CFDP1: variants seen among roughly 807,000 people sequenced by gnomAD.
The protein encoded by CFDP1 is chromatin remodeling protein CFDP1, also known as heterochromatin-stabilizing protein CFDP1.
A neutral mutation model predicts 40.1 loss-of-function variants in CFDP1; 31 were observed. That is an observed-to-expected ratio of 0.77 (90% CI 0.58 to 1.04). The LOEUF (loss-of-function observed/expected upper bound fraction) is 1.04. CFDP1 is among the 50% of genes least tolerant of loss of function. The pLI is 0.00. For synonymous variants in CFDP1, 167 were observed against 120.0 expected (o/e 1.39, Z -2.56); for missense variants, 423 against 343.4 (o/e 1.23, Z -1.83).
At chr16:75,404,259 G>A (rs1262415993) in intron 4 of CFDP1, among the ~76,000 whole-genome samples, 10 of 147,410 alleles carry the variant, frequency 6.8e-5, no homozygotes, top group South Asian at 2.2e-4. Context: ...TTTTTGAGAC[G>A]GAGTCTTGCT....
At chr16:75,356,400 G>T (rs1470852984) in intron 5 of CFDP1, among the ~76,000 whole-genome samples, 4 of 152,176 alleles carry the variant, frequency 2.6e-5, no homozygotes, top group Admixed American at 1.3e-4. Flanking sequence ...TCAATGAGCA[G>T]TAACATTTTG....
At position 75,353,743 on chromosome 16, in the gene CFDP1, C is replaced by T. The variant is rs28585380; in HGVS notation, c.650+41347G>A. Among the ~76,000 whole-genome samples, 780 of 83,864 alleles carry T rather than the reference C, an allele frequency of 9.3e-3. 9 individuals carry two copies. The highest frequency in any genetic ancestry group is 0.032 in the African/African-American group (726 of 22,554). The allele number at this position is 83,864 out of a possible 152,430, so 55.0% of individuals were successfully genotyped here. A position where few individuals can be genotyped will look rare whatever the true frequency, so the allele number is the denominator to read the frequency against. On this transcript the variant is annotated intron_variant, in intron 5 of 6. Coordinates refer to ENST00000283882, the MANE Select transcript of CFDP1 (RefSeq NM_006324.3). The stretch of plus-strand genomic sequence containing the variant: ...CAGCCTGGGCGACACAGCAAAAGTC[C>T]GTCTCAAAAAAAAAAAAAAAAAAAA...
chr16:75,374,896 C>T (rs900113825), intron 5 of CFDP1, among the ~76,000 whole-genome samples: 1 of 152,090 alleles, frequency 6.6e-6, no homozygotes, highest in Non-Finnish European at 1.5e-5. Flanking sequence ...AGACTGGTGG[C>T]ATTTCAAGTG....
chr16:75,398,114 A>G (rs2079013065), intron 4 of CFDP1, among the ~76,000 whole-genome samples: 1 of 152,228 alleles, frequency 6.6e-6, no homozygotes, highest in Non-Finnish European at 1.5e-5. Flanking sequence ...ACTCAATCTC[A>G]GATACTCAGA....
intron 5 of CFDP1, among the ~76,000 whole-genome samples, chr16:75,355,381 C>T (rs2078638974): frequency 6.6e-6 from 1 of 152,232 alleles, no homozygotes; most frequent in Non-Finnish European, 1.5e-5. Context: ...TCCTCTCAAA[C>T]CCTGCTATTG....
chr16:75,301,286 A>G (rs2078219822), intron 6 of CFDP1, among the ~76,000 whole-genome samples: 2 of 152,162 alleles, frequency 1.3e-5, no homozygotes, highest in African/African-American at 4.8e-5. Flanking sequence ...TGAATTGTTT[A>G]TTGTAAAACA....
intron 5 of CFDP1, among the ~76,000 whole-genome samples, chr16:75,318,711 T>G (rs2078342895): frequency 6.6e-6 from 1 of 152,176 alleles, no homozygotes; most frequent in Non-Finnish European, 1.5e-5. Context: ...GCCGGCATGC[T>G]TTCTTAAATA....
chr16:75,343,791 T>A (rs2078543031), intron 5 of CFDP1, among the ~76,000 whole-genome samples: 1 of 152,166 alleles, frequency 6.6e-6, no homozygotes, highest in Non-Finnish European at 1.5e-5. Context: ...CAGGGTCATC[T>A]CGCGCATGAA....
intron 5 of CFDP1, among the ~76,000 whole-genome samples, chr16:75,380,611 G>C (rs528064326): frequency 1.3e-5 from 2 of 152,200 alleles, no homozygotes; most frequent in South Asian, 4.2e-4. Context: ...GTGTATCTAA[G>C]CTTTTGGGCT....
intron 5 of CFDP1, among the ~76,000 whole-genome samples, chr16:75,310,848 C>T (rs2078289548): frequency 6.6e-6 from 1 of 152,202 alleles, no homozygotes; most frequent in South Asian, 2.1e-4. Flanking sequence ...TCTTTAAAAT[C>T]ATCCCCAGGT....
At chr16:75,351,667 G>A (rs768777312) in intron 5 of CFDP1, among the ~76,000 whole-genome samples, 1 of 152,040 alleles carries the variant, frequency 6.6e-6, no homozygotes, top group Non-Finnish European at 1.5e-5. Context: ...AAAATGAAAG[G>A]GAAAATACTT....
chr16:75,411,857 G>A lies in CFDP1; in HGVS notation c.498C>T (p.Thr166=). ...CTTCACCAGCAAAATCAAACACCTT[G>A]GTGATTTTAACTTTTTCTGTTTCTT... ...KPKETEKVKI[T]KVFDFAGEEV... Residue 166 remains threonine (T), a synonymous_variant, in exon 4 of 7, where the codon ACC becomes ACT. Transcript: ENST00000283882. 6.2e-7 allele frequency: 1 copy of A among 1,610,654 alleles called. No homozygotes were observed. The highest frequency in any genetic ancestry group is 8.5e-7 in the Non-Finnish European group (1 of 1,179,214).
At chr16:75,414,321 T>C (rs967591896) in intron 2 of CFDP1, among the ~76,000 whole-genome samples, 1 of 152,212 alleles carries the variant, frequency 6.6e-6, no homozygotes, top group Non-Finnish European at 1.5e-5. Flanking sequence ...AGGGTAAACA[T>C]CTTTTCAGGG....
Position 75,433,399 on chromosome 16 carries a change from G to C in CFDP1, c.-47C>G, listed in dbSNP as rs752233822. The C allele has an allele frequency of 1.3e-6, 2 of 1,537,326 alleles. No homozygotes were observed. The highest frequency in any genetic ancestry group is 1.8e-6 in the Non-Finnish European group (2 of 1,134,850). ...TCAAACTCACAAGACCGCAGCAGCCGCCTCCAACGGCAAAGCTCTAGGGAG... is the reference window on the plus strand; with the variant it reads ...TCAAACTCACAAGACCGCAGCAGCCCCCTCCAACGGCAAAGCTCTAGGGAG... On this transcript the variant is annotated 5_prime_UTR_variant, in exon 1 of 7. Transcript: ENST00000283882.
intron 5 of CFDP1, among the ~76,000 whole-genome samples, chr16:75,310,059 G>A (rs115809768): frequency 0.022 from 3,377 of 152,190 alleles, 69 homozygotes; most frequent in African/African-American, 0.054. Context: ...CAAATGTTAC[G>A]CTGAGGCATT....
At chr16:75,417,532 A>G (rs1383568217) in intron 1 of CFDP1, among the ~76,000 whole-genome samples, 1 of 152,192 alleles carries the variant, frequency 6.6e-6, no homozygotes, top group Non-Finnish European at 1.5e-5. Flanking sequence ...AATTAAGAAT[A>G]TGCTTATATT....
intron 3 of CFDP1, 49 bp downstream of exon 3, chr16:75,412,486 T>C (rs760051962): frequency 8.7e-6 from 12 of 1,374,596 alleles, no homozygotes; most frequent in South Asian, 8.1e-5. Flanking sequence ...ATCTCAGTAA[T>C]GTAGGGTATT....
chr16:75,333,122 CTTTTTT>C (rs1281826055), intron 5 of CFDP1, among the ~76,000 whole-genome samples: 2 of 87,184 alleles, frequency 2.3e-5, no homozygotes, highest in African/African-American at 8.7e-5. Flanking sequence ...TACTCATGTT[CTTTTTT>C]TTTTTTTTTT....
At chr16:75,421,601 G>T (rs2079281317) in intron 1 of CFDP1, among the ~76,000 whole-genome samples, 1 of 152,080 alleles carries the variant, frequency 6.6e-6, no homozygotes, top group Non-Finnish European at 1.5e-5. Flanking sequence ...CTAAGAATCA[G>T]TATAAATCCG....
Sources: allele counts gnomAD v4.1 joint callset (sites outside exome capture counted in the v4.1 genomes callset), GRCh38; gene constraint gnomAD v4.1.1; transcripts MANE v1.5; gene names NCBI Gene and HGNC (gene_info 2026-07-23, HGNC 2026-07-21).